The following CA3 variants were observed in gnomAD, a reference collection of about 807,000 sequenced individuals.
CA3 encodes CA-III.
A neutral mutation model predicts 35.7 loss-of-function variants in CA3; 30 were observed. The ratio of observed to expected loss-of-function variants is 0.84; its 90% CI spans 0.63 to 1.14. CA3 has a LOEUF of 1.14. CA3 is among the 50% of genes most tolerant of loss of function. The probability of loss-of-function intolerance (pLI) is 0.00; values close to 1 mark genes in which losing one functional copy is unlikely to be tolerated. For missense variants in CA3, 295 were observed against 328.5 expected (o/e 0.90, Z 0.79); for synonymous variants, 131 against 130.8 (o/e 1.00, Z -0.01).
rs1586001809 is a variant in CA3, at chr8:85,448,258, A to T, written c.*105A>T. 6.6e-6 allele frequency: 8 copies of T among 1,217,112 alleles called. No individual in the cohort carries two copies. Among genetic ancestry groups the T allele is most frequent in the Middle Eastern group, 4.0e-4 (2 of 5,038 alleles). 75.4% of individuals were successfully genotyped at this position (1,217,112 alleles called of 1,614,324 possible). A position where few individuals can be genotyped will look rare whatever the true frequency, so the allele number is the denominator to read the frequency against. ...TACTCCAAGTCTATTTCATTTTTCC[A>T]CACTGAGCAATGAATGTGAGAGATG... On this transcript the variant is annotated 3_prime_UTR_variant, in exon 7 of 7. Coordinates refer to ENST00000285381, the MANE Select transcript of CA3 (RefSeq NM_005181.4).
intron 2 of CA3, 123 bp downstream of exon 2, chr8:85,440,032 A>G (rs1811187090): frequency 4.4e-6 from 3 of 685,752 alleles, no homozygotes; most frequent in Non-Finnish European, 7.5e-6. Flanking sequence ...TAAAATGCAG[A>G]TGACATTTGA....
intron 5 of CA3, 25 bp downstream of exon 5, chr8:85,445,243 T>G: frequency 6.9e-7 from 1 of 1,457,722 alleles, no homozygotes; most frequent in Non-Finnish European, 9.5e-7. Flanking sequence ...TTTTCCCTCC[T>G]AAAACATAAA....
At position 85,439,601 on chromosome 8, in the gene CA3, C is replaced by A. The variant is rs568487063; in HGVS notation, c.35-111C>A. 198 of 703,766 alleles carry A rather than the reference C, an allele frequency of 2.8e-4. 3 individuals carry two copies. In the South Asian group the frequency reaches 3.4e-3, roughly 12 times the overall value. The allele number at this position is 703,766 out of a possible 1,614,324, so 43.6% of individuals were successfully genotyped here. ...TTATTGCCCAGTCTGAAACCTAAGA[C>A]CTTTTTGAAATCACTGTCTAGCCTC... On this transcript the variant is annotated intron_variant, in intron 1 of 6. Coordinates refer to ENST00000285381, the MANE Select transcript of CA3 (RefSeq NM_005181.4).
Position 85,446,177 on chromosome 8 carries a change from C to CT in CA3, c.544dup (p.Cys182LeufsTer39). On this transcript the variant is annotated frameshift_variant, in exon 6 of 7. Transcript: ENST00000285381. LOFTEE classifies it high-confidence loss of function. ...CGCCCTTCACAAAGTTTGACCCATC[C>CT]TGCCTGTTCCCGGCATGCCGGGACT... 1 of 1,613,122 alleles carries CT rather than the reference C, an allele frequency of 6.2e-7. No individual in the cohort carries two copies. Among genetic ancestry groups the CT allele is most frequent in the Non-Finnish European group, 8.5e-7 (1 of 1,179,414 alleles).
chr8:85,442,408 TC>T (rs1811220395), intron 3 of CA3: 3 of 486,880 alleles, frequency 6.2e-6, no homozygotes, highest in Non-Finnish European at 1.1e-5. Context: ...CATGAAGATT[TC>T]CAAGGTTATG....
Position 85,444,050 on chromosome 8 carries a change from G to GGT in CA3, c.369_370insTG (p.Asn124Ter). The stretch of plus-strand genomic sequence containing the variant: ...TGGTTTCAGCTTCATTTGGTTCACT[G>GGT]GAACCCGAAGTATAACACTTTTAAA... On this transcript the variant is annotated frameshift_variant, in exon 4 of 7. Coordinates refer to ENST00000285381, the MANE Select transcript of CA3 (RefSeq NM_005181.4). LOFTEE classifies it high-confidence loss of function. The GGT allele has an allele frequency of 6.2e-7, 1 of 1,612,404 alleles. No individual in the cohort carries two copies. Among genetic ancestry groups the GGT allele is most frequent in the Non-Finnish European group, 8.5e-7 (1 of 1,178,408 alleles).
chr8:85,446,070 T>G, intron 5 of CA3, 72 bp from the exon 6 acceptor site: 1 of 1,289,446 alleles, frequency 7.8e-7, no homozygotes, highest in Non-Finnish European at 1.1e-6. Flanking sequence ...ACAAATAAAG[T>G]GGTGAGGGCA....
intron 4 of CA3, among the ~76,000 whole-genome samples, chr8:85,444,335 C>T (rs1177876763): frequency 6.6e-6 from 1 of 151,824 alleles, no homozygotes; most frequent in Non-Finnish European, 1.5e-5. Context: ...CTCCAGGACC[C>T]CTAGCACTTC....
At chr8:85,446,898 C>G (rs932220057) in intron 6 of CA3, among the ~76,000 whole-genome samples, 7 of 152,104 alleles carry the variant, frequency 4.6e-5, no homozygotes, top group Non-Finnish European at 7.3e-5. Flanking sequence ...AAGACACTAT[C>G]AAGGAAAAGC....
At position 85,439,758 on chromosome 8, in the gene CA3, C is replaced by T. The variant is rs1434242360; in HGVS notation, c.81C>T (p.Asn27=). The part of the protein sequence containing the change: ...HELFPNAKGE[N]QSPVELHTKD... ...TTTTCCCAAATGCCAAGGGGGAAAA[C>T]CAGTCGCCCGTTGAGCTGCATACTA... Residue 27 remains asparagine, a synonymous_variant, in exon 2 of 7, where the codon AAC becomes AAT. Coordinates refer to ENST00000285381, the MANE Select transcript of CA3 (RefSeq NM_005181.4). The T allele has an allele frequency of 6.2e-7, 1 of 1,614,018 alleles. No homozygotes were observed. The highest frequency in any genetic ancestry group is 2.2e-5 in the East Asian group (1 of 44,880).
chr8:85,443,837 A>G (rs761673554), intron 3 of CA3, among the ~76,000 whole-genome samples, 197 bp from the exon 4 acceptor site: 14 of 152,214 alleles, frequency 9.2e-5, no homozygotes, highest in Admixed American at 2.0e-4. Context: ...AGATAAATAA[A>G]TAATTTTATA....
chr8:85,447,389 A>G (rs938688903), intron 6 of CA3, among the ~76,000 whole-genome samples: 1 of 152,216 alleles, frequency 6.6e-6, no homozygotes, highest in Non-Finnish European at 1.5e-5. Flanking sequence ...CCTCTCCAAC[A>G]AAGTATGTAG....
rs376376677 is a variant in CA3 at position 85,439,783 on chromosome 8, A to G, written c.106A>G (p.Lys36Glu). 3 of 1,613,914 alleles carry G rather than the reference A, an allele frequency of 1.9e-6. No individual in the cohort carries two copies. The highest frequency in any genetic ancestry group is 2.5e-6 in the Non-Finnish European group (3 of 1,179,948). ...CCAGTCGCCCGTTGAGCTGCATACTAAAGACATCAGGCATGACCCTTCTCT... is the reference window on the plus strand; with the variant it reads ...CCAGTCGCCCGTTGAGCTGCATACTGAAGACATCAGGCATGACCCTTCTCT... Reference protein sequence around the residue: ...ENQSPVELHTKDIRHDPSLQP... With the variant: ...ENQSPVELHTEDIRHDPSLQP... Residue 36 changes from lysine to glutamate, a missense_variant, in exon 2 of 7, where the codon AAA becomes GAA. Transcript: ENST00000285381.
chr8:85,446,076 G>A, intron 5 of CA3, 66 bp from the exon 6 acceptor site: 1 of 1,369,532 alleles, frequency 7.3e-7, no homozygotes, highest in Non-Finnish European at 9.9e-7. Context: ...AAAGTGGTGA[G>A]GGCATTGGGG....
Position 85,448,753 on chromosome 8 carries a change from A to G in CA3, c.*600A>G, listed in dbSNP as rs973316762. 27 of 152,238 alleles carry G rather than the reference A, an allele frequency of 1.8e-4. No individual in the cohort carries two copies. The highest frequency in any genetic ancestry group is 6.3e-4 in the African/African-American group (26 of 41,460). 9.4% of individuals were successfully genotyped at this position (152,238 alleles called of 1,614,324 possible). On this transcript the variant is annotated 3_prime_UTR_variant, in exon 7 of 7. Transcript: ENST00000285381. ...GGTTTTGATTACCAGTGAAAAGAAA[A>G]CACAATACAATCAGGAGTTTTCAAA...
At chr8:85,445,797 G>A (rs1018938381) in intron 5 of CA3, among the ~76,000 whole-genome samples, 1 of 151,768 alleles carries the variant, frequency 6.6e-6, no homozygotes, top group African/African-American at 2.4e-5. Context: ...GATATTTTTT[G>A]GTATCATCAA....
In CA3 at chr8:85,448,374, A is replaced by G; in HGVS notation, c.*221A>G. 2.9e-6 allele frequency: 1 copy of G among 347,428 alleles called. No individual in the cohort carries two copies. The allele number at this position is 347,428 out of a possible 1,614,324, so 21.5% of individuals were successfully genotyped here. A position where few individuals can be genotyped will look rare whatever the true frequency, so the allele number is the denominator to read the frequency against. The stretch of plus-strand genomic sequence containing the variant: ...ATAGATTTCACATTTGATCTCTGTA[A>G]TAATCATCTTTCCTATAAAAGTAGC... On this transcript the variant is annotated 3_prime_UTR_variant, in exon 7 of 7. Coordinates refer to ENST00000285381, the MANE Select transcript of CA3 (RefSeq NM_005181.4).
rs1811265394 is a variant in CA3 at position 85,445,136 on chromosome 8, G to C, written c.445-20G>C. ...ATGGAGAAGTAAAAGAACTATACTTGGATTTCTGTTTTCTTACAGATAGGA... is the reference window on the plus strand; with the variant it reads ...ATGGAGAAGTAAAAGAACTATACTTCGATTTCTGTTTTCTTACAGATAGGA... On this transcript the variant is annotated intron_variant, in intron 4 of 6. Transcript: ENST00000285381. 2 of 1,551,864 alleles carry C rather than the reference G, an allele frequency of 1.3e-6. No individual in the cohort carries two copies. Among genetic ancestry groups the C allele is most frequent in the Non-Finnish European group, 1.8e-6 (2 of 1,132,838 alleles).
At chr8:85,442,224 T>C (rs1171667655) in intron 3 of CA3, 33 bp downstream of exon 3, 1 of 1,136,552 alleles carries the variant, frequency 8.8e-7, no homozygotes, top group Non-Finnish European at 1.3e-6. Context: ...ATTCTCGGTC[T>C]CATACAGTGA....
Sources: gnomAD v4.1 joint callset for allele counts (sites outside exome capture counted in the v4.1 genomes callset) on GRCh38, gnomAD v4.1.1 for gene constraint, MANE v1.5 for transcripts, NCBI Gene and HGNC (gene_info 2026-07-23, HGNC 2026-07-21) for gene names.